Variants in CHRNA7 observed in about 807,000 individuals in gnomAD.
The protein encoded by CHRNA7 is neuronal acetylcholine receptor subunit alpha-7.
In CHRNA7, 17 loss-of-function variants were observed where a neutral mutation model predicts 48.0. The observed-to-expected ratio is 0.35, with a 90% CI of 0.24 to 0.53. The LOEUF (loss-of-function observed/expected upper bound fraction) is 0.53, where lower values mean the gene tolerates loss of function less well. CHRNA7 is among the 20% of genes least tolerant of loss of function. The pLI, the probability that CHRNA7 is intolerant of heterozygous loss-of-function variation, is 0.92. For synonymous variants in CHRNA7, 75 were observed against 242.3 expected, an observed-to-expected ratio of 0.31 and a Z score of 6.41; for missense variants, 155 against 577.7, an observed-to-expected ratio of 0.27 and a Z score of 7.50.
chr15:32,097,178 A>C (rs1488673009), intron 2 of CHRNA7, among the ~76,000 whole-genome samples: 1 of 152,084 alleles, frequency 6.6e-6, no homozygotes, highest in African/African-American at 2.4e-5. Flanking sequence ...CTGAGTCGGG[A>C]GCCCCCAGGG....
At chr15:32,117,666 C>A (rs988343603) in intron 4 of CHRNA7, among the ~76,000 whole-genome samples, 2 of 152,130 alleles carry the variant, frequency 1.3e-5, no homozygotes, top group Non-Finnish European at 2.9e-5. Context: ...AGAGCCCAAG[C>A]CTGCATCCCA....
At chr15:32,075,131 T>TA (rs1340083308) in intron 2 of CHRNA7, among the ~76,000 whole-genome samples, 1 of 152,196 alleles carries the variant, frequency 6.6e-6, no homozygotes, top group Non-Finnish European at 1.5e-5. Flanking sequence ...TGCTAACACT[T>TA]ATTATGGATT....
intron 4 of CHRNA7, among the ~76,000 whole-genome samples, chr15:32,144,214 A>G (rs952535483): frequency 2.0e-5 from 3 of 151,958 alleles, no homozygotes; most frequent in Admixed American, 6.6e-5. Context: ...CTGGGTTGAA[A>G]ATTCTTTAAG....
intron 2 of CHRNA7, among the ~76,000 whole-genome samples, chr15:32,042,254 C>A (rs2049462196): frequency 6.6e-6 from 1 of 152,150 alleles, no homozygotes; most frequent in African/African-American, 2.4e-5. Context: ...GTTTGTTTCT[C>A]CCCACTTGAG....
intron 4 of CHRNA7, among the ~76,000 whole-genome samples, chr15:32,116,464 C>T (rs16956220): frequency 0.03 from 4,496 of 152,300 alleles, 207 homozygotes; most frequent in African/African-American, 0.1. Context: ...CGAATAAAAG[C>T]GTCTCTGTCT....
intron 2 of CHRNA7, among the ~76,000 whole-genome samples, chr15:32,076,811 G>A (rs2050142863): frequency 6.6e-6 from 1 of 152,020 alleles, no homozygotes. Flanking sequence ...TTACATTAGT[G>A]TTTGTTCTTG....
intron 4 of CHRNA7, among the ~76,000 whole-genome samples, chr15:32,145,274 A>T (rs538900854): frequency 6.6e-6 from 1 of 152,196 alleles, no homozygotes; most frequent in African/African-American, 2.4e-5. Flanking sequence ...TTGCTGCCTG[A>T]TCCTTCTTCT....
chr15:32,056,061 T>C (rs1003378532), intron 2 of CHRNA7, among the ~76,000 whole-genome samples: 1 of 152,202 alleles, frequency 6.6e-6, no homozygotes, highest in South Asian at 2.1e-4. Flanking sequence ...GTTTTACTTT[T>C]TGACATTCTT....
At chr15:32,065,859 T>C (rs1595405280) in intron 2 of CHRNA7, among the ~76,000 whole-genome samples, 1 of 151,742 alleles carries the variant, frequency 6.6e-6, no homozygotes, top group African/African-American at 2.4e-5. Flanking sequence ...GGGACAGAGC[T>C]GTCAGTTGCC....
chr15:32,059,072 T>C lies in CHRNA7; in HGVS notation c.195+28035T>C, dbSNP rs191989283. Among the ~76,000 whole-genome samples the C allele has an allele frequency of 2.6e-5, 4 of 152,046 alleles. No homozygotes were observed. The East Asian group carries it at 7.8e-4, about 30-fold the overall frequency. ...AGGCTGGAGTGCAGTGGCATAATCT[T>C]GGCTCACTGCAACCTCCGCCTCCTG... On this transcript the variant is annotated intron_variant, in intron 2 of 9. Coordinates refer to ENST00000306901, the MANE Select transcript of CHRNA7 (RefSeq NM_000746.6).
At chr15:32,099,468 A>G (rs1013541827) in intron 2 of CHRNA7, 1 of 152,174 alleles carries the variant, frequency 6.6e-6, no homozygotes, top group African/African-American at 2.4e-5. Flanking sequence ...GTTGCCACAC[A>G]CCACTGAAAT....
chr15:32,041,968 T>G (rs2049457171), intron 2 of CHRNA7, among the ~76,000 whole-genome samples: 1 of 152,228 alleles, frequency 6.6e-6, no homozygotes, highest in Non-Finnish European at 1.5e-5. Context: ...AATTCTGATC[T>G]GATAATTCCA....
At chr15:32,109,402 C>T (rs549249650) in intron 3 of CHRNA7, among the ~76,000 whole-genome samples, 2 of 152,252 alleles carry the variant, frequency 1.3e-5, no homozygotes, top group African/African-American at 4.8e-5. Context: ...GTATCTTGTG[C>T]CAACTTCCTG....
chr15:32,072,325 C>T (rs186316721), intron 2 of CHRNA7, among the ~76,000 whole-genome samples: 65 of 152,100 alleles, frequency 4.3e-4, no homozygotes, highest in Admixed American at 2.6e-3. Context: ...GATGCAGGAG[C>T]GAAGAAATGA....
At chr15:32,096,496 G>T (rs2050471037) in intron 2 of CHRNA7, among the ~76,000 whole-genome samples, 1 of 152,076 alleles carries the variant, frequency 6.6e-6, no homozygotes, top group South Asian at 2.1e-4. Flanking sequence ...GATAAAAGAA[G>T]TCACCGTTTA....
intron 4 of CHRNA7, among the ~76,000 whole-genome samples, chr15:32,147,264 G>A (rs75631283): frequency 0.025 from 3,863 of 152,298 alleles, 99 homozygotes; most frequent in Non-Finnish European, 0.035. Context: ...AAAGGAGAAG[G>A]GGGCCAGGAT....
intron 2 of CHRNA7, among the ~76,000 whole-genome samples, chr15:32,040,610 G>T (rs1196920913): frequency 6.6e-6 from 1 of 151,276 alleles, no homozygotes; most frequent in African/African-American, 2.4e-5. Flanking sequence ...GTGTGTATGT[G>T]TGTGTGTGTA....
chr15:32,148,002 C>G (rs973187802), intron 4 of CHRNA7, among the ~76,000 whole-genome samples: 5 of 152,176 alleles, frequency 3.3e-5, no homozygotes, highest in Non-Finnish European at 5.9e-5. Context: ...GATAGATGAG[C>G]ATCATCCTTC....
rs912535502 is a variant in CHRNA7 at position 32,149,287 on chromosome 15, C to T, written c.351-4620C>T. Among the ~76,000 whole-genome samples, 10 of 152,330 alleles carry T rather than the reference C, an allele frequency of 6.6e-5. No homozygotes were observed. The highest frequency in any genetic ancestry group is 5.8e-4 in the East Asian group (3 of 5,174). On this transcript the variant is annotated intron_variant, in intron 4 of 9. Coordinates refer to ENST00000306901, the MANE Select transcript of CHRNA7 (RefSeq NM_000746.6). This position sits in a 1 kb window ranked among gnomAD's most constrained non-coding sequence, Gnocchi z 4.6. ...CCCTGCAGCCCTACCCCTGTTTCCA[C>T]GGTTATGGGTGTTTGCCAGCACAGG...
Sources: gnomAD v4.1 joint callset for allele counts (sites outside exome capture counted in the v4.1 genomes callset) on GRCh38, gnomAD v4.1.1 for gene constraint, Gnocchi (gnomAD v3.1) non-coding constraint, MANE v1.5 for transcripts, NCBI Gene and HGNC (gene_info 2026-07-23, HGNC 2026-07-21) for gene names.